The following LRPPRC variants were observed in gnomAD, a reference collection of about 807,000 sequenced individuals.
The protein encoded by LRPPRC is leucine rich pentatricopeptide repeat containing.
LRPPRC carries 120 observed loss-of-function variants against 180.3 expected under a neutral mutation model. The observed-to-expected ratio is 0.67, with a 90% CI of 0.57 to 0.77. The LOEUF (loss-of-function observed/expected upper bound fraction) is 0.77, where lower values mean the gene tolerates loss of function less well. LRPPRC is among the 30% of genes least tolerant of loss of function. LRPPRC has a pLI of 0.00. For missense variants in LRPPRC, 2,012 were observed against 1,657.2 expected, an observed-to-expected ratio of 1.21 and a Z score of -3.72; for synonymous variants, 723 against 600.0, an observed-to-expected ratio of 1.21 and a Z score of -3.00.
chr2:43,948,608 G>A (rs755709206), intron 16 of LRPPRC, 90 bp from the exon 17 acceptor site: 9 of 758,722 alleles, frequency 1.2e-5, no homozygotes, highest in East Asian at 7.7e-5. Flanking sequence ...ATTTTGGTGT[G>A]AGATGTCACC....
In LRPPRC at chr2:43,977,335, G is replaced by A. The variant is rs1273199824; in HGVS notation, c.470-59C>T. The A allele has an allele frequency of 5.2e-6, 7 of 1,350,938 alleles. No individual in the cohort carries two copies. In the East Asian group the frequency reaches 6.9e-5, roughly 13 times the overall value. The allele number at this position is 1,350,938 out of a possible 1,614,324, so 83.7% of individuals were successfully genotyped here. A position where few individuals can be genotyped will look rare whatever the true frequency, so the allele number is the denominator to read the frequency against. ...AGCATTGAAAATCCTATGCTTTAAAGTGGACCTAAATTTAACAAACAAAAA... is the reference window on the plus strand; with the variant it reads ...AGCATTGAAAATCCTATGCTTTAAAATGGACCTAAATTTAACAAACAAAAA... On this transcript the variant is annotated intron_variant, in intron 3 of 37. Transcript: ENST00000260665.
chr2:43,968,398 A>G (rs1301973170), intron 11 of LRPPRC, among the ~76,000 whole-genome samples: 1 of 152,252 alleles, frequency 6.6e-6, no homozygotes, highest in Non-Finnish European at 1.5e-5. Flanking sequence ...AAGTTCCAAG[A>G]ACTGAAATAT....
rs1671045880 is a variant in LRPPRC, at chr2:43,905,720, TATG to T, written c.3333_3335del (p.Ile1112del). The T allele has an allele frequency of 6.2e-7, 1 of 1,614,032 alleles. No homozygotes were observed. Among genetic ancestry groups the T allele is most frequent in the African/African-American group, 1.3e-5 (1 of 75,056 alleles). ...TCAAATAATCCCGCCTAACTTGCGTTATGATGAGGCGGCTGTTGGCAGCATCGT... is the reference window on the plus strand; with the variant it reads ...TCAAATAATCCCGCCTAACTTGCGTTATGAGGCGGCTGTTGGCAGCATCGT... On this transcript the variant is annotated inframe_deletion, in exon 31 of 38. Transcript: ENST00000260665.
At chr2:43,889,080 G>A (rs574353207) in intron 37 of LRPPRC, among the ~76,000 whole-genome samples, 1 of 152,226 alleles carries the variant, frequency 6.6e-6, no homozygotes, top group East Asian at 1.9e-4. Flanking sequence ...ACTTTGGGAG[G>A]CCGAGGTGGG....
At chr2:43,966,269 C>T (rs1257049124) in intron 11 of LRPPRC, among the ~76,000 whole-genome samples, 1 of 151,836 alleles carries the variant, frequency 6.6e-6, no homozygotes, top group Non-Finnish European at 1.5e-5. Context: ...AAGTTGAACT[C>T]TGTTATGGGA....
intron 37 of LRPPRC, among the ~76,000 whole-genome samples, chr2:43,889,510 G>C (rs186906518): frequency 1.3e-3 from 199 of 152,104 alleles, no homozygotes; most frequent in Non-Finnish European, 2.4e-3. Flanking sequence ...ATAGCTGAAG[G>C]TCTGAGACAG....
intron 22 of LRPPRC, 90 bp from the exon 23 acceptor site, chr2:43,943,984 T>C (rs1056014055): frequency 5.5e-6 from 5 of 906,310 alleles, no homozygotes; most frequent in Middle Eastern, 2.8e-4. Context: ...CCAGCAGGAA[T>C]GTAAATTCTA....
At position 43,948,430 on chromosome 2, in the gene LRPPRC, G is replaced by A. The variant is rs779762455; in HGVS notation, c.1824C>T (p.Phe608=). 5 of 1,609,528 alleles carry A rather than the reference G, an allele frequency of 3.1e-6. No homozygotes were observed. Among genetic ancestry groups the A allele is most frequent in the African/African-American group, 2.7e-5 (2 of 74,772 alleles). The change falls in exon 17 of 38, where the codon TTC becomes TTT. Residue 608 remains phenylalanine (F), a synonymous_variant. Transcript: ENST00000260665. ...ATGGTACCATCTTCTCCAGCTGATG[G>A]AAGTATTGTCTCAAATGCTCCTCCT... ...QAKEEHLRQY[F]HQLEKMNVKI... is the part of the protein sequence containing the mutation.
At chr2:43,995,507 C>G (rs748865206) in intron 1 of LRPPRC, among the ~76,000 whole-genome samples, 1 of 152,268 alleles carries the variant, frequency 6.6e-6, no homozygotes, top group South Asian at 2.1e-4. Flanking sequence ...CAAAGCCCCC[C>G]TCATCTTCGT....
intron 5 of LRPPRC, among the ~76,000 whole-genome samples, 156 bp from the exon 6 acceptor site, chr2:43,976,385 T>C (rs1674055789): frequency 6.6e-6 from 1 of 152,152 alleles, no homozygotes; most frequent in South Asian, 2.1e-4. Flanking sequence ...ATCCCTTTGA[T>C]CCCCTTCCCA....
At chr2:43,992,702 A>T (rs1035596898) in intron 1 of LRPPRC, among the ~76,000 whole-genome samples, 3 of 152,214 alleles carry the variant, frequency 2.0e-5, no homozygotes, top group African/African-American at 7.2e-5. Flanking sequence ...GTGAGAGATG[A>T]ATGGGAAAAC....
chr2:43,945,402 T>G lies in LRPPRC; in HGVS notation c.2226A>C (p.Ser742=), dbSNP rs749148902. 3 of 1,610,438 alleles carry G rather than the reference T, an allele frequency of 1.9e-6. No individual in the cohort carries two copies. Among genetic ancestry groups the G allele is most frequent in the Non-Finnish European group, 2.5e-6 (3 of 1,176,806 alleles). ...ACTTGCCGGTGTCAAGGACAGCAGA[T>G]GAATCTAAGCGGTCACTAAAAATTA... The part of the protein sequence containing the change: ...NLKEEFDRLD[S]SAVLDTGKYV... Residue 742 remains serine, a synonymous_variant, in exon 22 of 38, where the codon TCA becomes TCC. Coordinates refer to ENST00000260665, the MANE Select transcript of LRPPRC (RefSeq NM_133259.4).
At chr2:43,945,295 C>G (rs1408025342) in intron 22 of LRPPRC, 37 bp downstream of exon 22, 1 of 1,335,052 alleles carries the variant, frequency 7.5e-7, no homozygotes, top group East Asian at 2.3e-5. Flanking sequence ...TGGCAAGATA[C>G]TTGCATCACA....
intron 1 of LRPPRC, among the ~76,000 whole-genome samples, chr2:43,985,002 A>C (rs1189094199): frequency 6.6e-6 from 1 of 151,830 alleles, no homozygotes; most frequent in Non-Finnish European, 1.5e-5. Flanking sequence ...AAAAAAATTA[A>C]GGTGGGTTTT....
In LRPPRC at chr2:43,925,139, AT is replaced by A; in HGVS notation, c.2823del (p.Lys941AsnfsTer2). ...VANNQVETLE[K>X]LVELTQKLFE... is the part of the protein sequence containing the mutation. ...AATAGCTTCTGTGTCAGCTCCACTAATTTTTCCAGAGTTTCAACCTTAAAAG... is the reference window on the plus strand; with the variant it reads ...AATAGCTTCTGTGTCAGCTCCACTAATTTTCCAGAGTTTCAACCTTAAAAG... On this transcript the variant is annotated frameshift_variant, in exon 27 of 38. Transcript: ENST00000260665. LOFTEE classifies it high-confidence loss of function. 3.1e-6 allele frequency: 5 copies of A among 1,590,566 alleles called. No individual in the cohort carries two copies. The highest frequency in any genetic ancestry group is 4.3e-6 in the Non-Finnish European group (5 of 1,158,720).
At chr2:43,895,756 T>C (rs896266542) in intron 35 of LRPPRC, among the ~76,000 whole-genome samples, 2 of 152,142 alleles carry the variant, frequency 1.3e-5, no homozygotes, top group Non-Finnish European at 2.9e-5. Flanking sequence ...AAAACAAGCA[T>C]CACAGTTGGC....
At chr2:43,916,073 T>C (rs1042924407) in intron 29 of LRPPRC, among the ~76,000 whole-genome samples, 12 of 152,208 alleles carry the variant, frequency 7.9e-5, no homozygotes, top group African/African-American at 2.4e-4. Flanking sequence ...CCAAACCTTC[T>C]AGTTAAGTTA....
At chr2:43,937,332 C>A (rs987194744) in intron 23 of LRPPRC, among the ~76,000 whole-genome samples, 7 of 152,082 alleles carry the variant, frequency 4.6e-5, no homozygotes, top group Non-Finnish European at 1.0e-4. Flanking sequence ...ATACCTCATA[C>A]AAAGTGTACT....
At chr2:43,890,352 T>G (rs759963020) in intron 36 of LRPPRC, 1 of 470,244 alleles carries the variant, frequency 2.1e-6, no homozygotes, top group Non-Finnish European at 4.4e-6. Context: ...TCAAAAAAGC[T>G]TTTCATTTTT....
Sources: gnomAD v4.1 joint callset for allele counts (sites outside exome capture counted in the v4.1 genomes callset) on GRCh38, gnomAD v4.1.1 for gene constraint, MANE v1.5 for transcripts, NCBI Gene and HGNC (gene_info 2026-07-23, HGNC 2026-07-21) for gene names.